Variants in CDH23 observed in about 807,000 individuals in gnomAD.
The protein encoded by CDH23 is cadherin related 23, also known as cadherin-23.
In CDH23, 189 loss-of-function variants were observed where a neutral mutation model predicts 317.1. The ratio of observed to expected loss-of-function variants is 0.60; its 90% CI spans 0.53 to 0.67. The LOEUF (loss-of-function observed/expected upper bound fraction) is 0.67, where lower values mean the gene tolerates loss of function less well. CDH23 is among the 30% of genes least tolerant of loss of function. CDH23 has a pLI of 0.00. For synonymous variants in CDH23, 1,839 were observed against 1,876.8 expected (o/e 0.98, Z 0.52); for missense variants, 4,401 against 4,592.4 (o/e 0.96, Z 1.20).
chr10:71,583,879 G>C (rs532017088), intron 9 of CDH23, among the ~76,000 whole-genome samples: 2 of 152,180 alleles, frequency 1.3e-5, no homozygotes, highest in Non-Finnish European at 2.9e-5. Context: ...GCAGAGCAGA[G>C]ATTTGAACCC....
intron 19 of CDH23, among the ~76,000 whole-genome samples, chr10:71,689,173 G>T (rs12243233): frequency 5.3e-5 from 3 of 56,924 alleles, no homozygotes; most frequent in Admixed American, 1.6e-4. Flanking sequence ...GGAGTCAGGG[G>T]TGGTAGAGTC....
intron 1 of CDH23, among the ~76,000 whole-genome samples, chr10:71,403,673 C>T (rs934889911): frequency 5.3e-5 from 8 of 151,554 alleles, no homozygotes; most frequent in African/African-American, 2.4e-5. Context: ...CACACCACCA[C>T]GCCCAGCTAA....
At chr10:71,806,055 C>T (rs1261929547) in intron 56 of CDH23, 58 bp downstream of exon 56, 3 of 1,535,608 alleles carry the variant, frequency 2.0e-6, no homozygotes, top group African/African-American at 1.4e-5. Flanking sequence ...CTTCTGGGGG[C>T]GGGTCTTGCA....
At position 71,745,654 on chromosome 10, in the gene CDH23, C is replaced by A. The variant is rs1218454760; in HGVS notation, c.4845+3733C>A. 2.6e-5 allele frequency among the ~76,000 whole-genome samples: 4 copies of A among 152,230 alleles called. No individual in the cohort carries two copies. In the East Asian group the frequency reaches 7.7e-4, roughly 29 times the overall value. On this transcript the variant is annotated intron_variant, in intron 38 of 69. Transcript: ENST00000224721. Reference sequence around the variant, plus strand: ...CCCTTGAAGATTTGCTTCCACTGACCAGACCCTCAACTTTGGGCAGTAAAC... The same window carrying A: ...CCCTTGAAGATTTGCTTCCACTGACAAGACCCTCAACTTTGGGCAGTAAAC...
intron 3 of CDH23, among the ~76,000 whole-genome samples, chr10:71,487,165 T>C (rs1394282479): frequency 6.6e-6 from 1 of 152,222 alleles, no homozygotes; most frequent in Non-Finnish European, 1.5e-5. Context: ...CGTCATTTCC[T>C]TTATCTCTAA....
intron 1 of CDH23, among the ~76,000 whole-genome samples, chr10:71,414,164 A>G (rs1444090320): frequency 6.6e-6 from 1 of 151,514 alleles, no homozygotes; most frequent in East Asian, 1.9e-4. Context: ...CAATTTGCAC[A>G]CCTTTTCTTT....
At chr10:71,728,766 T>C (rs762049015) in intron 30 of CDH23, among the ~76,000 whole-genome samples, 2 of 152,148 alleles carry the variant, frequency 1.3e-5, no homozygotes, top group African/African-American at 4.8e-5. Context: ...CACCCCAGCA[T>C]AGAGCAAAGA....
At chr10:71,448,761 AGAG>A (rs1282388090) in intron 3 of CDH23, among the ~76,000 whole-genome samples, 2 of 152,124 alleles carry the variant, frequency 1.3e-5, no homozygotes, top group African/African-American at 2.4e-5. Context: ...CTAGGTTCTC[AGAG>A]GAGACCAGCC....
chr10:71,777,482 G>A (rs557793529), intron 38 of CDH23, among the ~76,000 whole-genome samples, 198 bp from the exon 39 acceptor site: 2 of 152,302 alleles, frequency 1.3e-5, no homozygotes, highest in African/African-American at 2.4e-5. Context: ...CTTGGACAGA[G>A]CAGTTACCTT....
Position 71,739,892 on chromosome 10 carries a change from T to C in CDH23, c.4488+120T>C. 5.1e-6 allele frequency: 6 copies of C among 1,181,556 alleles called. No homozygotes were observed. In the South Asian group the frequency reaches 5.2e-5, roughly 10 times the overall value. 73.2% of individuals were successfully genotyped at this position (1,181,556 alleles called of 1,614,324 possible). A position where few individuals can be genotyped will look rare whatever the true frequency, so the allele number is the denominator to read the frequency against. On this transcript the variant is annotated intron_variant, in intron 36 of 69. Coordinates refer to ENST00000224721, the MANE Select transcript of CDH23 (RefSeq NM_022124.6). ...ACTCTGGTGGTCAGTGCCCCTGCTG[T>C]CACCAAGTAACATGGGGCCAGCTGC...
At chr10:71,465,720 C>A (rs1416775458) in intron 3 of CDH23, among the ~76,000 whole-genome samples, 2 of 152,214 alleles carry the variant, frequency 1.3e-5, no homozygotes, top group Non-Finnish European at 2.9e-5. Context: ...GGGAAAAAAA[C>A]AACCCTGTGA....
At chr10:71,648,372 T>A (rs1342214544) in intron 14 of CDH23, among the ~76,000 whole-genome samples, 2 of 152,220 alleles carry the variant, frequency 1.3e-5, no homozygotes, top group Non-Finnish European at 1.5e-5. Flanking sequence ...CAACAGCCTA[T>A]GCTTTAGAGG....
intron 3 of CDH23, among the ~76,000 whole-genome samples, chr10:71,488,802 C>A (rs1852491099): frequency 6.6e-6 from 1 of 152,152 alleles, no homozygotes; most frequent in Non-Finnish European, 1.5e-5. Context: ...AATTAAATAG[C>A]CTGAACATGT....
At chr10:71,550,202 C>T (rs995322232) in intron 6 of CDH23, among the ~76,000 whole-genome samples, 6 of 152,054 alleles carry the variant, frequency 3.9e-5, no homozygotes, top group African/African-American at 1.4e-4. Flanking sequence ...GGAGAAAGTA[C>T]GTAAAACTTC....
chr10:71,693,561 G>A (rs1008894461), intron 20 of CDH23, among the ~76,000 whole-genome samples: 5 of 152,172 alleles, frequency 3.3e-5, no homozygotes, highest in African/African-American at 4.8e-5. Flanking sequence ...CAAGTTAGAC[G>A]CATGTGAACA....
intron 44 of CDH23, 119 bp from the exon 45 acceptor site, chr10:71,788,821 G>A: frequency 1.5e-6 from 1 of 661,518 alleles, no homozygotes; most frequent in Non-Finnish European, 2.8e-6. Context: ...ATGTTGGTGT[G>A]GGCTTTTCTG....
At chr10:71,620,774 C>T (rs954998116) in intron 11 of CDH23, among the ~76,000 whole-genome samples, 3 of 152,250 alleles carry the variant, frequency 2.0e-5, no homozygotes, top group African/African-American at 7.2e-5. Flanking sequence ...CCCAGGCCAC[C>T]CAACCCTGAG....
At chr10:71,650,926 A>G (rs866789113) in intron 14 of CDH23, among the ~76,000 whole-genome samples, 11 of 152,232 alleles carry the variant, frequency 7.2e-5, no homozygotes, top group Non-Finnish European at 1.2e-4. Context: ...TACAAGAGTA[A>G]CCTAATCATT....
chr10:71,628,683 C>T (rs905074027), intron 11 of CDH23, among the ~76,000 whole-genome samples: 17 of 152,054 alleles, frequency 1.1e-4, no homozygotes, highest in South Asian at 2.1e-4. Flanking sequence ...TGTTTAGTAG[C>T]GATGAGGTTT....
Sources: allele counts gnomAD v4.1 joint callset (sites outside exome capture counted in the v4.1 genomes callset), GRCh38; gene constraint gnomAD v4.1.1; transcripts MANE v1.5; gene names NCBI Gene and HGNC (gene_info 2026-07-23, HGNC 2026-07-21).